Variants in STOML1 observed in about 807,000 individuals in gnomAD.
The protein encoded by STOML1 is stomatin like 1, also known as stomatin-like protein 1.
A neutral mutation model predicts 35.7 loss-of-function variants in STOML1; 27 were observed. The ratio of observed to expected loss-of-function variants is 0.76; its 90% CI spans 0.56 to 1.04. STOML1 has a LOEUF of 1.04. STOML1 is among the 50% of genes least tolerant of loss of function. The probability of loss-of-function intolerance (pLI) is 0.00; values close to 1 mark genes in which losing one functional copy is unlikely to be tolerated. For synonymous variants in STOML1, 219 were observed against 227.9 expected, an observed-to-expected ratio of 0.96 and a Z score of 0.35; for missense variants, 451 against 527.1, an observed-to-expected ratio of 0.86 and a Z score of 1.41.
At position 73,983,679 on chromosome 15, in the gene STOML1, C is replaced by T. The variant is rs990733819; in HGVS notation, c.*258G>A. On this transcript the variant is annotated 3_prime_UTR_variant, in exon 7 of 7. Coordinates refer to ENST00000541638, the MANE Select transcript of STOML1 (RefSeq NM_004809.5). ...GCCTGGCTCTCCTCCTGGAATCACA[C>T]CGTGCACCCAGCTCAGCGCTGGGCA... The T allele has an allele frequency of 3.1e-5, 13 of 420,010 alleles. No homozygotes were observed. The Admixed American group carries it at 5.1e-4, about 16-fold the overall frequency. The allele number at this position is 420,010 out of a possible 1,614,324, so 26.0% of individuals were successfully genotyped here.
In STOML1 at chr15:73,988,707, C is replaced by T. The variant is rs2069170918; in HGVS notation, c.486G>A (p.Leu162=). The stretch of plus-strand genomic sequence containing the variant: ...GGGCTGTCATGCGTGTGGCTGTGTT[C>T]AGGTCTTTCACAGTCATCACCGACA... ...PVLSVMTVKD[L]NTATRMTAQN... The change falls in exon 4 of 7, where the codon CTG becomes CTA. Residue 162 remains leucine (L), a synonymous_variant. Coordinates refer to ENST00000541638, the MANE Select transcript of STOML1 (RefSeq NM_004809.5). The surrounding 1 kb of genome is among the most constrained non-coding windows in gnomAD (Gnocchi z 4.8). The T allele has an allele frequency of 6.2e-6, 10 of 1,614,080 alleles. No homozygotes were observed. The highest frequency in any genetic ancestry group is 8.5e-6 in the Non-Finnish European group (10 of 1,180,052).
At chr15:73,990,324 C>T (rs2069230846) in intron 2 of STOML1, 27 bp downstream of exon 2, 2 of 1,608,560 alleles carry the variant, frequency 1.2e-6, no homozygotes, top group Admixed American at 1.7e-5. Flanking sequence ...GCCCAACCAC[C>T]CTGGGGGCTG....
chr15:73,988,447 AC>A lies in STOML1; in HGVS notation c.594+151del. 1 of 900,472 alleles carries A rather than the reference AC, an allele frequency of 1.1e-6. No homozygotes were observed. The highest frequency in any genetic ancestry group is 1.7e-6 in the Non-Finnish European group (1 of 605,420). The allele number at this position is 900,472 out of a possible 1,614,324, so 55.8% of individuals were successfully genotyped here. On this transcript the variant is annotated intron_variant, in intron 4 of 6. Transcript: ENST00000541638. This position sits in a 1 kb window ranked among gnomAD's most constrained non-coding sequence, Gnocchi z 4.8. ...CTGCCATTCCTCAACTCATGGCCCC[AC>A]CCAGGCACTGGCTCTTCAAAGGTGG...
rs559592363 is a variant in STOML1, at chr15:73,978,991, GATGA to G, written c.*4942_*4945del. 164 of 152,314 alleles carry G rather than the reference GATGA, an allele frequency of 1.1e-3. No individual in the cohort carries two copies. The highest frequency in any genetic ancestry group is 3.9e-3 in the African/African-American group (161 of 41,554). The allele number at this position is 152,314 out of a possible 1,614,324, so 9.4% of individuals were successfully genotyped here. ...AAAACTACTCAAATGTTCATCAATG[GATGA>G]ATGAATACATTGTGCCTCTATCTAG... On this transcript the variant is annotated 3_prime_UTR_variant, in exon 7 of 7. Transcript: ENST00000541638.
At chr15:73,985,176 C>T in intron 5 of STOML1, 142 bp downstream of exon 5, 1 of 1,087,166 alleles carries the variant, frequency 9.2e-7, no homozygotes, top group Non-Finnish European at 1.3e-6. Context: ...ACCTGGCCTC[C>T]TCTCACTGCC....
chr15:73,991,985 T>C (rs1432505238), intron 1 of STOML1, 106 bp downstream of exon 1: 2 of 1,426,136 alleles, frequency 1.4e-6, no homozygotes, highest in Non-Finnish European at 1.9e-6. Flanking sequence ...TCCCCCCTCG[T>C]AGGGTGCGAC....
At chr15:73,990,585 T>C (rs2069243510) in intron 1 of STOML1, 128 bp from the exon 2 acceptor site, 18 of 967,292 alleles carry the variant, frequency 1.9e-5, no homozygotes, top group Non-Finnish European at 2.5e-5. Context: ...GCTCTCAATC[T>C]GGCTCCTTGC....
chr15:73,990,761 A>T, intron 1 of STOML1: 1 of 1,501,798 alleles, frequency 6.7e-7, no homozygotes, highest in Non-Finnish European at 9.0e-7. Flanking sequence ...TGCTCTCCTC[A>T]CTGGACTGAG....
rs780346980 is a variant in STOML1, at chr15:73,984,711, A to G, written c.951T>C (p.Asn317=). 1 of 1,614,162 alleles carries G rather than the reference A, an allele frequency of 6.2e-7. No individual in the cohort carries two copies. Among genetic ancestry groups the G allele is most frequent in the Admixed American group, 1.7e-5 (1 of 60,032 alleles). The change falls in exon 6 of 7, where the codon AAT becomes AAC. Residue 317 remains asparagine (N), a synonymous_variant. Coordinates refer to ENST00000541638, the MANE Select transcript of STOML1 (RefSeq NM_004809.5). Reference sequence around the variant, plus strand: ...TTTGGGTGCCGCTGGGCAGGACGACATTGAACTGGTAGCAGGCCCCGACTT... The same window carrying G: ...TTTGGGTGCCGCTGGGCAGGACGACGTTGAACTGGTAGCAGGCCCCGACTT... The part of the protein sequence containing the change: ...VSQVGACYQF[N]VVLPSGTQSA...
intron 4 of STOML1, chr15:73,986,346 C>CT (rs74835205): frequency 0.011 from 1,523 of 138,614 alleles, 24 homozygotes; most frequent in African/African-American, 0.033. Context: ...GGGATGGCAA[C>CT]TTTTTTTTTT....
chr15:73,983,720 G>A lies in STOML1; in HGVS notation c.*217C>T, dbSNP rs963893417. The A allele has an allele frequency of 4.4e-5, 23 of 522,374 alleles. No homozygotes were observed. The highest frequency in any genetic ancestry group is 3.6e-4 in the African/African-American group (19 of 52,312). The allele number at this position is 522,374 out of a possible 1,614,324, so 32.4% of individuals were successfully genotyped here. A position where few individuals can be genotyped will look rare whatever the true frequency, so the allele number is the denominator to read the frequency against. On this transcript the variant is annotated 3_prime_UTR_variant, in exon 7 of 7. Transcript: ENST00000541638. The stretch of plus-strand genomic sequence containing the variant: ...GCGCTGGGCACTCAGCTGGGGACCG[G>A]GATGGACAAAGCCTTGTCCAGAGAA...
chr15:73,991,830 C>T, intron 1 of STOML1: 1 of 609,862 alleles, frequency 1.6e-6, no homozygotes, highest in Non-Finnish European at 2.9e-6. Flanking sequence ...GAGCCGAGGA[C>T]AAATGTGGTG....
rs2069176193 is a variant in STOML1, at chr15:73,988,830, C to T, written c.391-28G>A. On this transcript the variant is annotated intron_variant, in intron 3 of 6. Transcript: ENST00000541638. The surrounding 1 kb of genome is among the most constrained non-coding windows in gnomAD (Gnocchi z 4.8). Reference sequence around the variant, plus strand: ...GTTGGGGGAGGCCATGAGAGAGAGACACTCAAGGGGCTGGGGGTGCAGGGA... The same window carrying T: ...GTTGGGGGAGGCCATGAGAGAGAGATACTCAAGGGGCTGGGGGTGCAGGGA... 2 of 1,599,720 alleles carry T rather than the reference C, an allele frequency of 1.3e-6. No homozygotes were observed. The highest frequency in any genetic ancestry group is 1.1e-5 in the South Asian group (1 of 90,294).
In STOML1 at chr15:73,979,035, T is replaced by G. The variant is rs969507245; in HGVS notation, c.*4902A>C. 3 of 152,216 alleles carry G rather than the reference T, an allele frequency of 2.0e-5. No homozygotes were observed. The highest frequency in any genetic ancestry group is 7.2e-5 in the African/African-American group (3 of 41,460). The allele number at this position is 152,216 out of a possible 1,614,324, so 9.4% of individuals were successfully genotyped here. On this transcript the variant is annotated 3_prime_UTR_variant, in exon 7 of 7. Coordinates refer to ENST00000541638, the MANE Select transcript of STOML1 (RefSeq NM_004809.5). ...CCTCTATCTAGACAATGGAATGTGTTGGCAATACAACAAACTACAGATACA... is the reference window on the plus strand; with the variant it reads ...CCTCTATCTAGACAATGGAATGTGTGGGCAATACAACAAACTACAGATACA...
rs974899767 is a variant in STOML1 at position 73,979,294 on chromosome 15, G to A, written c.*4643C>T. ...GTTTTGTATTTGATTGTAGGGGGTG[G>A]TGGTTACTCAGGTGTTCACATTTGT... is the stretch of plus-strand genomic sequence containing the variant. On this transcript the variant is annotated 3_prime_UTR_variant, in exon 7 of 7. Coordinates refer to ENST00000541638, the MANE Select transcript of STOML1 (RefSeq NM_004809.5). 1.3e-5 allele frequency: 2 copies of A among 152,148 alleles called. No individual in the cohort carries two copies. Among genetic ancestry groups the A allele is most frequent in the African/African-American group, 4.8e-5 (2 of 41,432 alleles). The allele number at this position is 152,148 out of a possible 1,614,324, so 9.4% of individuals were successfully genotyped here. A position where few individuals can be genotyped will look rare whatever the true frequency, so the allele number is the denominator to read the frequency against.
Position 73,985,322 on chromosome 15 carries a change from C to T in STOML1, c.786G>A (p.Gly262=), listed in dbSNP as rs1024228236. The part of the protein sequence containing the change: ...NSMAGGAPSP[G]PADTVEMVSE... Reference sequence around the variant, plus strand: ...CTCCTCCCCAGGGCTCCTCACCTGGCCCCGGGGACGGGGCACCTCCTGCCA... The same window carrying T: ...CTCCTCCCCAGGGCTCCTCACCTGGTCCCGGGGACGGGGCACCTCCTGCCA... The change falls in exon 5 of 7, where the codon GGG becomes GGA. Residue 262 remains glycine (G), a synonymous_variant. Transcript: ENST00000541638. 2.0e-6 allele frequency: 3 copies of T among 1,528,816 alleles called. No individual in the cohort carries two copies. The highest frequency in any genetic ancestry group is 3.9e-4 in the Middle Eastern group (2 of 5,108). 94.7% of individuals were successfully genotyped at this position (1,528,816 alleles called of 1,614,324 possible).
Position 73,988,760 on chromosome 15 carries a change from C to T in STOML1, c.433G>A (p.Val145Ile), listed in dbSNP as rs1468431352. Residue 145 changes from valine to isoleucine, a missense_variant, in exon 4 of 7, where the codon GTC (valine) becomes ATC (isoleucine). Val to Ile is a conservative substitution (Grantham distance 29). Coordinates refer to ENST00000541638, the MANE Select transcript of STOML1 (RefSeq NM_004809.5). The surrounding 1 kb of genome is among the most constrained non-coding windows in gnomAD (Gnocchi z 4.8). ...ACCGGGTCCCAGATGCGAAACTGGACATCGGCTCCCACGGACAGCACAGCC... is the reference window on the plus strand; with the variant it reads ...ACCGGGTCCCAGATGCGAAACTGGATATCGGCTCCCACGGACAGCACAGCC... ...DGAVLSVGAD[V>I]QFRIWDPVLS... 2 of 1,614,216 alleles carry T rather than the reference C, an allele frequency of 1.2e-6. No individual in the cohort carries two copies. Among genetic ancestry groups the T allele is most frequent in the Non-Finnish European group, 8.5e-7 (1 of 1,180,024 alleles).
intron 1 of STOML1, chr15:73,991,655 A>T (rs2069279938): frequency 2.2e-6 from 1 of 462,540 alleles, no homozygotes. Flanking sequence ...CATCCAGGAG[A>T]TGCCTAGTTC....
At chr15:73,989,930 T>C (rs942452009) in intron 2 of STOML1, 1 of 173,734 alleles carries the variant, frequency 5.8e-6, no homozygotes, top group Non-Finnish European at 1.2e-5. Context: ...TGCTGAACTA[T>C]AGCTCCATGG....
Sources: allele counts gnomAD v4.1 joint callset, GRCh38; gene constraint gnomAD v4.1.1; non-coding constraint Gnocchi (gnomAD v3.1); transcripts MANE v1.5; gene names NCBI Gene and HGNC (gene_info 2026-07-23, HGNC 2026-07-21).